Variants in SEMA6D observed in about 807,000 individuals in gnomAD.
SEMA6D encodes the protein semaphorin-6D.
In SEMA6D, 35 loss-of-function variants were observed where a neutral mutation model predicts 106.6. The observed-to-expected ratio is 0.33, with a 90% CI of 0.25 to 0.44. SEMA6D has a LOEUF of 0.44. SEMA6D is among the 20% of genes least tolerant of loss of function. SEMA6D has a pLI of 1.00. For missense variants in SEMA6D, 1,185 were observed against 1,345.9 expected, an observed-to-expected ratio of 0.88 and a Z score of 1.87; for synonymous variants, 499 against 487.7, an observed-to-expected ratio of 1.02 and a Z score of -0.31.
chr15:47,189,122 T>C (rs1893777305), intron 1 of SEMA6D, among the ~76,000 whole-genome samples: 1 of 152,192 alleles, frequency 6.6e-6, no homozygotes, highest in Non-Finnish European at 1.5e-5. Flanking sequence ...TGTGATTCCA[T>C]GGTAGTGGAA....
intron 3 of SEMA6D, among the ~76,000 whole-genome samples, chr15:47,477,893 G>A (rs2141258102): frequency 6.6e-6 from 1 of 152,180 alleles, no homozygotes; most frequent in Middle Eastern, 3.4e-3. Flanking sequence ...TCTTTTCTAT[G>A]TAAATGCCCA....
chr15:47,189,575 G>A (rs1231872553), intron 1 of SEMA6D, among the ~76,000 whole-genome samples: 1 of 152,124 alleles, frequency 6.6e-6, no homozygotes, highest in African/African-American at 2.4e-5. Flanking sequence ...TTAGGCTAAG[G>A]CCAAAAACTC....
chr15:47,379,957 A>G (rs1367668690), intron 1 of SEMA6D, among the ~76,000 whole-genome samples: 1 of 151,980 alleles, frequency 6.6e-6, no homozygotes, highest in Non-Finnish European at 1.5e-5. Context: ...GGGTTTCTCC[A>G]TGTTGGTCAG....
intron 1 of SEMA6D, among the ~76,000 whole-genome samples, chr15:47,300,353 T>G (rs554224879): frequency 3.3e-5 from 5 of 151,736 alleles, no homozygotes; most frequent in Non-Finnish European, 7.4e-5. Flanking sequence ...CCATTTTAGG[T>G]CAGTATAAAA....
chr15:47,664,865 T>C (rs2077994313), intron 4 of SEMA6D, among the ~76,000 whole-genome samples: 1 of 152,206 alleles, frequency 6.6e-6, no homozygotes, highest in African/African-American at 2.4e-5. Context: ...GTCTCTGCAT[T>C]AATGAGGCAG....
At chr15:47,739,928 A>G (rs1334302841) in intron 1 of SEMA6D, among the ~76,000 whole-genome samples, 1 of 152,224 alleles carries the variant, frequency 6.6e-6, no homozygotes, top group Non-Finnish European at 1.5e-5. Context: ...AGTTTTCCGT[A>G]TATTAAGTCT....
At chr15:47,701,001 A>G (rs1188881877) in intron 4 of SEMA6D, among the ~76,000 whole-genome samples, 1 of 152,204 alleles carries the variant, frequency 6.6e-6, no homozygotes, top group Non-Finnish European at 1.5e-5. Flanking sequence ...CTATTAGATA[A>G]TATAGGAAAA....
intron 2 of SEMA6D, among the ~76,000 whole-genome samples, chr15:47,430,040 A>C (rs1360687031): frequency 6.6e-6 from 1 of 152,132 alleles, no homozygotes; most frequent in African/African-American, 2.4e-5. Flanking sequence ...GTGCTTTCCA[A>C]CCTGATTCAG....
At chr15:47,424,575 A>G (rs570853514) in intron 2 of SEMA6D, among the ~76,000 whole-genome samples, 1 of 152,236 alleles carries the variant, frequency 6.6e-6, no homozygotes, top group African/African-American at 2.4e-5. Context: ...TAATGTATTT[A>G]TTCATCCATT....
At chr15:47,528,706 A>G (rs1372700726) in intron 3 of SEMA6D, among the ~76,000 whole-genome samples, 1 of 152,212 alleles carries the variant, frequency 6.6e-6, no homozygotes, top group Non-Finnish European at 1.5e-5. Context: ...CTCATATTGC[A>G]TTAGCCAGAA....
chr15:47,558,543 G>A (rs2045981101), intron 3 of SEMA6D, among the ~76,000 whole-genome samples: 1 of 151,934 alleles, frequency 6.6e-6, no homozygotes, highest in Non-Finnish European at 1.5e-5. Flanking sequence ...GACAAGCAGA[G>A]ACTTGCACAG....
intron 1 of SEMA6D, among the ~76,000 whole-genome samples, chr15:47,231,706 G>T (rs1368730322): frequency 6.6e-6 from 1 of 151,936 alleles, no homozygotes; most frequent in East Asian, 1.9e-4. Flanking sequence ...TATCCCTTCA[G>T]GAGATGGCAA....
intron 1 of SEMA6D, among the ~76,000 whole-genome samples, chr15:47,367,091 G>A (rs975351214): frequency 6.6e-6 from 1 of 152,120 alleles, no homozygotes; most frequent in African/African-American, 2.4e-5. Flanking sequence ...ATTAATAATA[G>A]CATCTGCCTC....
At chr15:47,608,107 ATAT>A (rs2076818954) in intron 4 of SEMA6D, among the ~76,000 whole-genome samples, 2 of 152,214 alleles carry the variant, frequency 1.3e-5, no homozygotes, top group Admixed American at 6.5e-5. Flanking sequence ...AGTCAAGATA[ATAT>A]TATTATGGAA....
At chr15:47,765,139 C>T in intron 13 of SEMA6D, 83 bp downstream of exon 13, 3 of 1,538,236 alleles carry the variant, frequency 2.0e-6, no homozygotes, top group Non-Finnish European at 2.6e-6. Context: ...CCTTTTGGTC[C>T]TCTAAATTAG....
rs1159058092 is a variant in SEMA6D at position 47,657,829 on chromosome 15, G to C, written c.-55+56933G>C. On this transcript the variant is annotated intron_variant, in intron 4 of 19. Coordinates refer to the SEMA6D transcript ENST00000558014. ...GATCTCGGCTCACTGCAAGCTCCGT[G>C]TCCCAGGTTCATGCCATTCTCCTGC... 9.1e-5 allele frequency among the ~76,000 whole-genome samples: 12 copies of C among 132,522 alleles called. No individual in the cohort carries two copies. The Admixed American group carries it at 1.0e-3, about 12-fold the overall frequency. The allele number at this position is 132,522 out of a possible 152,430, so 86.9% of individuals were successfully genotyped here.
At chr15:47,764,498 C>A in intron 11 of SEMA6D, 140 bp from the exon 12 acceptor site, 1 of 1,277,532 alleles carries the variant, frequency 7.8e-7, no homozygotes, top group Non-Finnish European at 1.1e-6. Flanking sequence ...AATTCAGGGG[C>A]ATAGCATTGC....
chr15:47,456,721 G>T (rs1302155082), intron 2 of SEMA6D, among the ~76,000 whole-genome samples: 2 of 151,994 alleles, frequency 1.3e-5, no homozygotes, highest in African/African-American at 4.8e-5. Flanking sequence ...AACAAATGAG[G>T]TAATCACTGA....
chr15:47,366,847 T>G (rs1052229919), intron 1 of SEMA6D, among the ~76,000 whole-genome samples: 2 of 152,156 alleles, frequency 1.3e-5, no homozygotes, highest in Non-Finnish European at 2.9e-5. Context: ...TCACATAGAA[T>G]CCTTGTTAAA....
Sources: gnomAD v4.1 joint callset for allele counts (sites outside exome capture counted in the v4.1 genomes callset) on GRCh38, gnomAD v4.1.1 for gene constraint, MANE v1.5 for transcripts, NCBI Gene and HGNC (gene_info 2026-07-23, HGNC 2026-07-21) for gene names.